Variants in CRMP1 observed in about 807,000 individuals in gnomAD.
The protein encoded by CRMP1 is collapsin response mediator protein 1, also known as dihydropyrimidinase-related protein 1.
In CRMP1, 19 loss-of-function variants were observed where a neutral mutation model predicts 68.3. The ratio of observed to expected loss-of-function variants is 0.28; its 90% CI spans 0.19 to 0.41. CRMP1 has a LOEUF of 0.41. CRMP1 is among the 10% of genes least tolerant of loss of function. The pLI is 1.00. For missense variants in CRMP1, 791 were observed against 967.4 expected, an observed-to-expected ratio of 0.82 and a Z score of 2.42; for synonymous variants, 439 against 399.6, an observed-to-expected ratio of 1.10 and a Z score of -1.18.
At chr4:5,846,407 T>A (rs1560498793) in intron 6 of CRMP1, among the ~76,000 whole-genome samples, 1 of 152,196 alleles carries the variant, frequency 6.6e-6, no homozygotes, top group Admixed American at 6.5e-5. Flanking sequence ...CAGTTGTGTC[T>A]CTCAGCTCTC....
chr4:5,824,650 A>C (rs1198573773), intron 13 of CRMP1: 74 of 953,048 alleles, frequency 7.8e-5, no homozygotes, highest in Non-Finnish European at 9.0e-5. Context: ...ATGGCTATTG[A>C]ATATAACATC....
chr4:5,822,349 C>G (rs1718757863), intron 13 of CRMP1, among the ~76,000 whole-genome samples: 1 of 152,180 alleles, frequency 6.6e-6, no homozygotes, highest in African/African-American at 2.4e-5. Context: ...AGCCCATGAT[C>G]TTAGGCACAC....
rs1290099836 is a variant in CRMP1, at chr4:5,841,160, G to C, written c.1153+148C>G. The C allele has an allele frequency of 5.8e-6, 7 of 1,200,224 alleles. No individual in the cohort carries two copies. Among genetic ancestry groups the C allele is most frequent in the Non-Finnish European group, 7.2e-6 (6 of 835,694 alleles). The allele number at this position is 1,200,224 out of a possible 1,614,324, so 74.3% of individuals were successfully genotyped here. A position where few individuals can be genotyped will look rare whatever the true frequency, so the allele number is the denominator to read the frequency against. Reference sequence around the variant, plus strand: ...AGGTCATTGGGACCAAAGAATTCCAGCCACCATCCTTGTGTCAGGAGCATC... The same window carrying C: ...AGGTCATTGGGACCAAAGAATTCCACCCACCATCCTTGTGTCAGGAGCATC... On this transcript the variant is annotated intron_variant, in intron 8 of 13. Coordinates refer to ENST00000324989, the MANE Select transcript of CRMP1 (RefSeq NM_001014809.3). The surrounding 1 kb of genome is among the most constrained non-coding windows in gnomAD (Gnocchi z 6.9).
rs1351352174 is a variant in CRMP1 at position 5,888,370 on chromosome 4, G to A, written c.381+4219C>T. 8 of 1,228,366 alleles carry A rather than the reference G, an allele frequency of 6.5e-6. No homozygotes were observed. The highest frequency in any genetic ancestry group is 7.1e-6 in the Non-Finnish European group (7 of 983,254). 76.1% of individuals were successfully genotyped at this position (1,228,366 alleles called of 1,614,324 possible). A position where few individuals can be genotyped will look rare whatever the true frequency, so the allele number is the denominator to read the frequency against. On this transcript the variant is annotated intron_variant, in intron 1 of 13. Coordinates refer to ENST00000324989, the MANE Select transcript of CRMP1 (RefSeq NM_001014809.3). This position sits in a 1 kb window ranked among gnomAD's most constrained non-coding sequence, Gnocchi z 6.4. ...CAGCGGGCGCGCTGACAAAGGCCCG[G>A]GAGGGATAGAGACACGGACGGAGGC...
chr4:5,843,324 C>G lies in CRMP1; in HGVS notation c.964-163G>C, dbSNP rs1171955783. Among the ~76,000 whole-genome samples the G allele has an allele frequency of 2.6e-5, 4 of 152,038 alleles. No individual in the cohort carries two copies. Among genetic ancestry groups the G allele is most frequent in the South Asian group, 2.1e-4 (1 of 4,812 alleles). ...CGGGGTGGGGGCAGTGAACTGTGTCCCCTCCACTACACACCCATCCACCTT... is the reference window on the plus strand; with the variant it reads ...CGGGGTGGGGGCAGTGAACTGTGTCGCCTCCACTACACACCCATCCACCTT... On this transcript the variant is annotated intron_variant, in intron 6 of 13. Transcript: ENST00000324989. This position sits in a 1 kb window ranked among gnomAD's most constrained non-coding sequence, Gnocchi z 4.1.
At position 5,821,517 on chromosome 4, in the gene CRMP1, G is replaced by T. The variant is rs1267877249; in HGVS notation, c.*243C>A. 1 of 535,378 alleles carries T rather than the reference G, an allele frequency of 1.9e-6. No homozygotes were observed. The highest frequency in any genetic ancestry group is 3.4e-6 in the Non-Finnish European group (1 of 298,186). 33.2% of individuals were successfully genotyped at this position (535,378 alleles called of 1,614,324 possible). A position where few individuals can be genotyped will look rare whatever the true frequency, so the allele number is the denominator to read the frequency against. ...AAACCTGTGGTTCACTAGGAAGGGGGAATGAAAACACCATGCTCCGAGGTG... is the reference window on the plus strand; with the variant it reads ...AAACCTGTGGTTCACTAGGAAGGGGTAATGAAAACACCATGCTCCGAGGTG... On this transcript the variant is annotated 3_prime_UTR_variant, in exon 14 of 14. Transcript: ENST00000324989. The surrounding 1 kb of genome is among the most constrained non-coding windows in gnomAD (Gnocchi z 4.4).
rs1200115472 is a variant in CRMP1 at position 5,839,718 on chromosome 4, C to G, written c.1154-40G>C. The G allele has an allele frequency of 1.9e-6, 3 of 1,579,126 alleles. No individual in the cohort carries two copies. In the East Asian group the frequency reaches 6.8e-5, roughly 36 times the overall value. ...ACATAAGCCTGGTTAAAAGCAAATACTCTCTTGAGGCAGATGTCAAAGGCA... is the reference window on the plus strand; with the variant it reads ...ACATAAGCCTGGTTAAAAGCAAATAGTCTCTTGAGGCAGATGTCAAAGGCA... On this transcript the variant is annotated intron_variant, in intron 8 of 13. Transcript: ENST00000324989.
chr4:5,837,842 A>G (rs1720832986), intron 9 of CRMP1, among the ~76,000 whole-genome samples: 1 of 152,120 alleles, frequency 6.6e-6, no homozygotes, highest in South Asian at 2.1e-4. Context: ...CATTTATTCA[A>G]CAAAATTGTG....
At chr4:5,837,889 A>G (rs897715892) in intron 9 of CRMP1, among the ~76,000 whole-genome samples, 3 of 152,092 alleles carry the variant, frequency 2.0e-5, no homozygotes, top group Admixed American at 6.6e-5. Flanking sequence ...AATTTAAGGA[A>G]TGGGGACTGC....
chr4:5,836,390 C>G (rs749719248), intron 10 of CRMP1, among the ~76,000 whole-genome samples: 1 of 152,182 alleles, frequency 6.6e-6, no homozygotes, highest in Non-Finnish European at 1.5e-5. Context: ...AGAGTGAGAC[C>G]CAGCTCTTCC....
intron 1 of CRMP1, among the ~76,000 whole-genome samples, chr4:5,876,724 C>T (rs1268542985): frequency 6.6e-6 from 1 of 152,060 alleles, no homozygotes; most frequent in Admixed American, 6.5e-5. Context: ...TCAAGATGAT[C>T]GGTAGGCATA....
intron 2 of CRMP1, among the ~76,000 whole-genome samples, chr4:5,863,608 C>T (rs1415592074): frequency 3.3e-5 from 5 of 152,162 alleles, no homozygotes; most frequent in Middle Eastern, 3.4e-3. Flanking sequence ...ATGAGACAGA[C>T]GCCCCTCCCC....
chr4:5,821,757 C>G lies in CRMP1; in HGVS notation c.*3G>C. The G allele has an allele frequency of 6.2e-7, 1 of 1,607,394 alleles. No individual in the cohort carries two copies. Among genetic ancestry groups the G allele is most frequent in the Non-Finnish European group, 8.5e-7 (1 of 1,176,408 alleles). On this transcript the variant is annotated 3_prime_UTR_variant, in exon 14 of 14. Transcript: ENST00000324989. This position sits in a 1 kb window ranked among gnomAD's most constrained non-coding sequence, Gnocchi z 4.4. Reference sequence around the variant, plus strand: ...TCAGGCTAGCTCCTCCGCGCATCCACGTTCAACCGAGGCTGGTGATGTTGG... The same window carrying G: ...TCAGGCTAGCTCCTCCGCGCATCCAGGTTCAACCGAGGCTGGTGATGTTGG...
At position 5,825,292 on chromosome 4, in the gene CRMP1, C is replaced by T. The variant is rs1719364706; in HGVS notation, c.1969+202G>A. ...CATCAGGTACCACCATGTTGCCCCC[C>T]TAACATGGACCCCCCTCTGCTTGGT... On this transcript the variant is annotated intron_variant, in intron 13 of 13. Transcript: ENST00000324989. The surrounding 1 kb of genome is among the most constrained non-coding windows in gnomAD (Gnocchi z 4.4). 1 of 985,296 alleles carries T rather than the reference C, an allele frequency of 1.0e-6. No individual in the cohort carries two copies. The highest frequency in any genetic ancestry group is 6.1e-5 in the Admixed American group (1 of 16,268). 61.0% of individuals were successfully genotyped at this position (985,296 alleles called of 1,614,324 possible). A position where few individuals can be genotyped will look rare whatever the true frequency, so the allele number is the denominator to read the frequency against.
chr4:5,856,058 A>C, intron 4 of CRMP1, 85 bp downstream of exon 4: 1 of 1,507,948 alleles, frequency 6.6e-7, no homozygotes, highest in Admixed American at 1.8e-5. Flanking sequence ...AGATGCAGAC[A>C]GGGGGATTTT....
Position 5,841,254 on chromosome 4 carries a change from A to C in CRMP1, c.1153+54T>G, listed in dbSNP as rs1711704062. On this transcript the variant is annotated intron_variant, in intron 8 of 13. Coordinates refer to ENST00000324989, the MANE Select transcript of CRMP1 (RefSeq NM_001014809.3). The surrounding 1 kb of genome is among the most constrained non-coding windows in gnomAD (Gnocchi z 6.9). ...GAGGGAGTGAACTTGAACCTGCAGG[A>C]CACCCCCTTCCAGGCCCCAGCTGCC... The C allele has an allele frequency of 4.3e-6, 7 of 1,613,024 alleles. No individual in the cohort carries two copies. Among genetic ancestry groups the C allele is most frequent in the Non-Finnish European group, 5.1e-6 (6 of 1,179,694 alleles).
intron 1 of CRMP1, among the ~76,000 whole-genome samples, chr4:5,868,301 A>G (rs1398257346): frequency 5.7e-5 from 5 of 87,302 alleles, no homozygotes; most frequent in Non-Finnish European, 1.3e-4. Flanking sequence ...ATATATATAT[A>G]TACATAATTT....
intron 13 of CRMP1, among the ~76,000 whole-genome samples, chr4:5,823,738 C>G (rs1254679407): frequency 1.3e-5 from 2 of 152,236 alleles, no homozygotes. Flanking sequence ...AGGCCCTCAC[C>G]AGAAGCAGAC....
At chr4:5,864,774 G>C (rs1713866196) in intron 2 of CRMP1, among the ~76,000 whole-genome samples, 1 of 152,180 alleles carries the variant, frequency 6.6e-6, no homozygotes, top group African/African-American at 2.4e-5. Context: ...AGGGACAGGG[G>C]AAAAGGTGTT....
Sources: gnomAD v4.1 joint callset for allele counts (sites outside exome capture counted in the v4.1 genomes callset) on GRCh38, gnomAD v4.1.1 for gene constraint, Gnocchi (gnomAD v3.1) non-coding constraint, MANE v1.5 for transcripts, NCBI Gene and HGNC (gene_info 2026-07-23, HGNC 2026-07-21) for gene names.